SPIRE1: variants seen among roughly 807,000 people sequenced by gnomAD.
SPIRE1 encodes spire type actin nucleation factor 1, also known as protein spire homolog 1.
Under a neutral mutation model 94.1 loss-of-function variants are expected in SPIRE1, and 40 were observed. The observed-to-expected ratio is 0.43, with a 90% CI of 0.33 to 0.55. The LOEUF is 0.55. Ranked by LOEUF, SPIRE1 falls within the 20% of genes least tolerant of loss-of-function variation. The pLI is 0.06. For missense variants in SPIRE1, 838 were observed against 975.2 expected, an observed-to-expected ratio of 0.86 and a Z score of 1.87; for synonymous variants, 376 against 371.7, an observed-to-expected ratio of 1.01 and a Z score of -0.13.
chr18:12,596,823 A>AT (rs1470991185), intron 2 of SPIRE1, among the ~76,000 whole-genome samples: 1 of 151,548 alleles, frequency 6.6e-6, no homozygotes, highest in Non-Finnish European at 1.5e-5. Flanking sequence ...AATTCATTAC[A>AT]TGTTCCTCAA....
At chr18:12,576,395 G>A (rs577708499) in intron 2 of SPIRE1, among the ~76,000 whole-genome samples, 3 of 151,386 alleles carry the variant, frequency 2.0e-5, no homozygotes, top group Non-Finnish European at 2.9e-5. Context: ...CAGCCTGGCC[G>A]ACATAGCGAA....
intron 2 of SPIRE1, among the ~76,000 whole-genome samples, chr18:12,612,262 A>G (rs1032773915): frequency 2.6e-5 from 4 of 152,172 alleles, no homozygotes; most frequent in Admixed American, 6.5e-5. Context: ...CTTCCTGGAG[A>G]AAACACAGAA....
chr18:12,612,890 T>C (rs1034436624), intron 2 of SPIRE1, among the ~76,000 whole-genome samples: 2 of 152,174 alleles, frequency 1.3e-5, no homozygotes, highest in Admixed American at 1.3e-4. Context: ...TATAACTACT[T>C]TGGGAGGTGT....
chr18:12,598,570 C>G lies in SPIRE1; in HGVS notation c.372+36492G>C, dbSNP rs755225829. On this transcript the variant is annotated intron_variant, in intron 2 of 16. Coordinates refer to ENST00000409402, the MANE Select transcript of SPIRE1 (RefSeq NM_001128626.2). ...TTTAATGACTTCCTTGGATTATTCT[C>G]GAGACTTTTCTAACAGGTCCTTACC... 2.0e-5 allele frequency among the ~76,000 whole-genome samples: 3 copies of G among 152,046 alleles called. No individual in the cohort carries two copies. In the East Asian group the frequency reaches 5.8e-4, roughly 29 times the overall value.
intron 4 of SPIRE1, among the ~76,000 whole-genome samples, chr18:12,514,376 G>A (rs1026359342): frequency 1.3e-5 from 2 of 151,980 alleles, no homozygotes; most frequent in African/African-American, 4.8e-5. Context: ...CTACCTTTTA[G>A]TGGTCTACAG....
At chr18:12,505,788 A>G (rs970475072) in intron 6 of SPIRE1, among the ~76,000 whole-genome samples, 8 of 152,224 alleles carry the variant, frequency 5.3e-5, no homozygotes, top group African/African-American at 1.9e-4. Context: ...GAATAGCCAT[A>G]AGCTAGAAAC....
rs750595216 is a variant in SPIRE1, at chr18:12,448,138, CATAAGT to C, written c.*1494_*1499del. The C allele has an allele frequency of 5.2e-5, 8 of 152,620 alleles. No individual in the cohort carries two copies. Among genetic ancestry groups the C allele is most frequent in the Non-Finnish European group, 1.0e-4 (7 of 68,036 alleles). The allele number at this position is 152,620 out of a possible 1,614,324, so 9.5% of individuals were successfully genotyped here. ...TTTAGTCAACTGGTAAAGTTTATTT[CATAAGT>C]ATAAGTAATTTTAAGCCTTTTACTA... On this transcript the variant is annotated 3_prime_UTR_variant, in exon 17 of 17. Coordinates refer to ENST00000409402, the MANE Select transcript of SPIRE1 (RefSeq NM_001128626.2). The surrounding 1 kb of genome is among the most constrained non-coding windows in gnomAD (Gnocchi z 4.4).
chr18:12,459,160 T>C (rs1315788500), intron 12 of SPIRE1, among the ~76,000 whole-genome samples: 1 of 152,232 alleles, frequency 6.6e-6, no homozygotes, highest in Non-Finnish European at 1.5e-5. Flanking sequence ...AACAGTAATA[T>C]AATGCAGAAT....
intron 6 of SPIRE1, among the ~76,000 whole-genome samples, chr18:12,503,113 A>C (rs2033718858): frequency 8.0e-6 from 1 of 124,974 alleles, no homozygotes; most frequent in Admixed American, 7.6e-5. Flanking sequence ...TGTCTCAAAA[A>C]AAAAGAAAAA....
intron 2 of SPIRE1, among the ~76,000 whole-genome samples, chr18:12,604,466 C>T (rs1178238391): frequency 6.6e-6 from 1 of 151,946 alleles, no homozygotes; most frequent in Non-Finnish European, 1.5e-5. Flanking sequence ...TGTTTTTTTC[C>T]AGAGGAAAGT....
At chr18:12,503,409 A>G (rs1273634802) in intron 6 of SPIRE1, among the ~76,000 whole-genome samples, 1 of 152,152 alleles carries the variant, frequency 6.6e-6, no homozygotes, top group African/African-American at 2.4e-5. Flanking sequence ...CTCTCTGGCT[A>G]TGCCTTGTCC....
intron 1 of SPIRE1, chr18:12,656,712 C>T: frequency 1.0e-6 from 1 of 979,556 alleles, no homozygotes; most frequent in Non-Finnish European, 1.2e-6. Flanking sequence ...CCTCCTCCTC[C>T]TCTTCAATGA....
chr18:12,639,975 A>C (rs2038041773), intron 1 of SPIRE1, among the ~76,000 whole-genome samples: 1 of 152,180 alleles, frequency 6.6e-6, no homozygotes, highest in Non-Finnish European at 1.5e-5. Context: ...GAAACAAACT[A>C]GTCCTGATAT....
chr18:12,538,570 C>T (rs1446889097), intron 3 of SPIRE1, among the ~76,000 whole-genome samples: 1 of 152,142 alleles, frequency 6.6e-6, no homozygotes, highest in East Asian at 1.9e-4. Flanking sequence ...AGGCTGGTAA[C>T]TCCTCAACCC....
chr18:12,478,712 C>A (rs1207379591), intron 10 of SPIRE1, among the ~76,000 whole-genome samples: 1 of 151,892 alleles, frequency 6.6e-6, no homozygotes, highest in Non-Finnish European at 1.5e-5. Context: ...TTTCATTTTA[C>A]CTAAGTTGAT....
chr18:12,581,471 A>G (rs2036254726), intron 2 of SPIRE1, among the ~76,000 whole-genome samples: 2 of 152,226 alleles, frequency 1.3e-5, no homozygotes, highest in African/African-American at 2.4e-5. Flanking sequence ...GAAAATTTAA[A>G]AAGTAAAAAA....
intron 2 of SPIRE1, among the ~76,000 whole-genome samples, chr18:12,564,748 A>C (rs2035774111): frequency 1.3e-5 from 2 of 152,172 alleles, no homozygotes; most frequent in African/African-American, 4.8e-5. Context: ...CTAGGAGCTT[A>C]GCACAGCAAT....
At chr18:12,461,572 T>C (rs1001466760) in intron 12 of SPIRE1, among the ~76,000 whole-genome samples, 1 of 61,404 alleles carries the variant, frequency 1.6e-5, no homozygotes, top group Non-Finnish European at 4.6e-5. Context: ...TATATGTATG[T>C]ACATACATAT....
At chr18:12,659,970 G>A (rs1045717255), upstream of SPIRE1, among the ~76,000 whole-genome samples, 1 of 152,082 alleles carries the variant, frequency 6.6e-6, no homozygotes, top group African/African-American at 2.4e-5. Flanking sequence ...TGCAAATACA[G>A]ACTGGTTTAA....
Sources: gnomAD v4.1 joint callset for allele counts (sites outside exome capture counted in the v4.1 genomes callset) on GRCh38, gnomAD v4.1.1 for gene constraint, Gnocchi (gnomAD v3.1) non-coding constraint, MANE v1.5 for transcripts, NCBI Gene and HGNC (gene_info 2026-07-23, HGNC 2026-07-21) for gene names.